The following RAD23B variants were observed in gnomAD, a reference collection of about 807,000 sequenced individuals.
RAD23B encodes the protein RAD23 nucleotide excision repair protein B.
In RAD23B, 5 loss-of-function variants were observed where a neutral mutation model predicts 49.1. The ratio of observed to expected loss-of-function variants is 0.10; its 90% CI spans 0.05 to 0.21. The LOEUF (loss-of-function observed/expected upper bound fraction) is 0.21, where lower values mean the gene tolerates loss of function less well. Ranked by LOEUF, RAD23B falls within the 10% of genes least tolerant of loss-of-function variation. RAD23B has a pLI of 1.00. For missense variants in RAD23B, 356 were observed against 486.7 expected, an observed-to-expected ratio of 0.73 and a Z score of 2.53; for synonymous variants, 184 against 165.4, an observed-to-expected ratio of 1.11 and a Z score of -0.86.
At chr9:107,301,162 T>C (rs188469072) in intron 2 of RAD23B, among the ~76,000 whole-genome samples, 358 of 152,356 alleles carry the variant, frequency 2.3e-3, no homozygotes, top group Non-Finnish European at 3.5e-3. Flanking sequence ...CACAGTTTTG[T>C]GTACTTCGTG....
At chr9:107,292,167 A>G (rs1011089859) in intron 1 of RAD23B, among the ~76,000 whole-genome samples, 3 of 131,148 alleles carry the variant, frequency 2.3e-5, no homozygotes, top group Non-Finnish European at 5.5e-5. Flanking sequence ...ATAAATATTC[A>G]TTTATATTGC....
intron 1 of RAD23B, chr9:107,283,925 G>C: frequency 9.6e-7 from 1 of 1,037,266 alleles, no homozygotes; most frequent in Non-Finnish European, 1.2e-6. Context: ...CGAAGGCCTG[G>C]TGGCAGATGG....
intron 5 of RAD23B, among the ~76,000 whole-genome samples, chr9:107,312,763 T>C (rs890389143): frequency 3.9e-5 from 6 of 152,052 alleles, no homozygotes; most frequent in East Asian, 1.9e-4. Context: ...GGCTGGAAAA[T>C]AGGATTACCC....
chr9:107,319,755 C>CT (rs148790944), intron 6 of RAD23B, among the ~76,000 whole-genome samples: 8,317 of 151,932 alleles, frequency 0.055, 698 homozygotes, highest in African/African-American at 0.19. Flanking sequence ...ATAAAGTATT[C>CT]TTTTTTTTAC....
chr9:107,306,347 A>G, intron 3 of RAD23B, 32 bp from the exon 4 acceptor site: 3 of 1,590,640 alleles, frequency 1.9e-6, no homozygotes, highest in Non-Finnish European at 2.6e-6. Flanking sequence ...GTAGTATTTT[A>G]TTGTAATTAT....
chr9:107,310,674 TGAA>T (rs774906362), intron 4 of RAD23B, among the ~76,000 whole-genome samples: 22 of 152,320 alleles, frequency 1.4e-4, no homozygotes, highest in Non-Finnish European at 2.5e-4. Context: ...GTATATTTAA[TGAA>T]GAACTTAAAT....
Position 107,329,879 on chromosome 9 carries a change from A to G in RAD23B, c.*223A>G, listed in dbSNP as rs895426331. The G allele has an allele frequency of 6.3e-6, 2 of 316,632 alleles. No homozygotes were observed. The highest frequency in any genetic ancestry group is 5.7e-6 in the Non-Finnish European group (1 of 174,168). The allele number at this position is 316,632 out of a possible 1,614,324, so 19.6% of individuals were successfully genotyped here. ...ACTCCACACAGTGTGTAAAATATAT[A>G]CAACCAAAAATCAGCTTTTGCAGGT... On this transcript the variant is annotated 3_prime_UTR_variant, in exon 10 of 10. Transcript: ENST00000358015.
intron 6 of RAD23B, among the ~76,000 whole-genome samples, chr9:107,320,744 C>T (rs928516002): frequency 1.2e-4 from 19 of 152,118 alleles, no homozygotes; most frequent in Admixed American, 5.2e-4. Context: ...ATTTGATGGA[C>T]GCCCTGGATC....
rs757084565 is a variant in RAD23B, at chr9:107,324,897, G to A, written c.1009G>A (p.Gly337Ser). ...AAATGAACCAGTTCAAGAAGCTGGTGGTCAAGGAGGAGGAGGTGGAGGTGG... is the reference window on the plus strand; with the variant it reads ...AAATGAACCAGTTCAAGAAGCTGGTAGTCAAGGAGGAGGAGGTGGAGGTGG... Reference protein sequence around the residue: ...MLNEPVQEAGGQGGGGGGGSG... With the variant: ...MLNEPVQEAGSQGGGGGGGSG... The change falls in exon 9 of 10, where the codon GGT becomes AGT. Residue 337 changes from glycine to serine, a missense_variant. Physicochemically the swap from Gly to Ser is moderately conservative, Grantham distance 56 (BLOSUM62 0). Coordinates refer to ENST00000358015, the MANE Select transcript of RAD23B (RefSeq NM_002874.5). The A allele has an allele frequency of 8.8e-5, 142 of 1,613,488 alleles. No homozygotes were observed. Among genetic ancestry groups the A allele is most frequent in the Non-Finnish European group, 1.2e-4 (136 of 1,179,928 alleles).
chr9:107,290,819 G>A (rs993908595), intron 1 of RAD23B, among the ~76,000 whole-genome samples: 1 of 152,064 alleles, frequency 6.6e-6, no homozygotes. Flanking sequence ...TTCTTAGATT[G>A]ACATAATCAG....
chr9:107,292,015 A>T (rs1299930485), intron 1 of RAD23B, among the ~76,000 whole-genome samples: 1 of 152,218 alleles, frequency 6.6e-6, no homozygotes, highest in Non-Finnish European at 1.5e-5. Context: ...GGCTTTTGCC[A>T]TCGGTCTAAG....
chr9:107,293,953 T>TA (rs1202060785), intron 1 of RAD23B, among the ~76,000 whole-genome samples: 1 of 152,118 alleles, frequency 6.6e-6, no homozygotes. Context: ...CCCGTCTAAT[T>TA]AAAAAAATTT....
intron 9 of RAD23B, among the ~76,000 whole-genome samples, chr9:107,326,623 ATTTCTTTTTTTTTTTTTT>A (rs1408445622): frequency 1.2e-5 from 1 of 86,804 alleles, no homozygotes; most frequent in African/African-American, 4.1e-5. Flanking sequence ...CAACTTTTGT[ATTTCTTTTTTTTTTTTTT>A]TTTTTTTTTT....
At chr9:107,288,993 G>A (rs985688252) in intron 1 of RAD23B, among the ~76,000 whole-genome samples, 2 of 151,904 alleles carry the variant, frequency 1.3e-5, no homozygotes, top group African/African-American at 4.8e-5. Flanking sequence ...AGAAATCTTT[G>A]TTTCTTTGTC....
Position 107,311,690 on chromosome 9 carries a change from G to T in RAD23B, c.506G>T (p.Gly169Val), listed in dbSNP as rs763025606. Residue 169 changes from glycine to valine, a missense_variant, in exon 5 of 10, where the codon GGT (glycine) becomes GTT (valine). Gly to Val is a moderately radical substitution (Grantham distance 109, BLOSUM62 -3). Transcript: ENST00000358015. ...CTAAAATCCTTTTGTAGTACATCGGGTGATTCTTCTCGGTCAAACCTTTTT... is the reference window on the plus strand; with the variant it reads ...CTAAAATCCTTTTGTAGTACATCGGTTGATTCTTCTCGGTCAAACCTTTTT... ...TSPTATDSTS[G>V]DSSRSNLFED... is the part of the protein sequence containing the mutation. 6.4e-7 allele frequency: 1 copy of T among 1,571,422 alleles called. No individual in the cohort carries two copies. The highest frequency in any genetic ancestry group is 8.6e-7 in the Non-Finnish European group (1 of 1,166,294).
intron 9 of RAD23B, among the ~76,000 whole-genome samples, chr9:107,327,153 C>A (rs1448741642): frequency 6.6e-6 from 1 of 152,118 alleles, no homozygotes; most frequent in African/African-American, 2.4e-5. Flanking sequence ...TTCAGTTTAG[C>A]TAAAGGTTTT....
Position 107,283,671 on chromosome 9 carries a change from G to T in RAD23B, c.42G>T (p.Lys14Asn). The change falls in exon 1 of 10, where the codon AAG (lysine) becomes AAT (asparagine). Residue 14 changes from lysine to asparagine, a missense_variant. This residue lies in a region of RAD23B where 31 missense variants were observed against 23.5 expected (regional missense o/e 1.32). Coordinates refer to ENST00000358015, the MANE Select transcript of RAD23B (RefSeq NM_002874.5). The stretch of plus-strand genomic sequence containing the variant: ...AGACCCTCCAGCAGCAGACCTTCAA[G>T]ATAGACATTGACCCCGAGGAGACGG... ...TLKTLQQQTF[K>N]IDIDPEETVK... 6.7e-7 allele frequency: 1 copy of T among 1,482,052 alleles called. No individual in the cohort carries two copies. Among genetic ancestry groups the T allele is most frequent in the Non-Finnish European group, 9.0e-7 (1 of 1,113,940 alleles). The allele number at this position is 1,482,052 out of a possible 1,614,324, so 91.8% of individuals were successfully genotyped here.
chr9:107,288,174 G>A (rs147300816), intron 1 of RAD23B, among the ~76,000 whole-genome samples: 294 of 152,254 alleles, frequency 1.9e-3, no homozygotes, highest in African/African-American at 6.8e-3. Context: ...ATTTAGTAAA[G>A]ATCTTTGAAT....
At chr9:107,291,803 A>C (rs1833389639) in intron 1 of RAD23B, among the ~76,000 whole-genome samples, 1 of 152,214 alleles carries the variant, frequency 6.6e-6, no homozygotes, top group Non-Finnish European at 1.5e-5. Context: ...TGGCTTTGGG[A>C]ATCTCCTTTA....
Sources: allele counts gnomAD v4.1 joint callset (sites outside exome capture counted in the v4.1 genomes callset), GRCh38; gene constraint gnomAD v4.1.1; regional missense constraint gnomAD v4.1.1; transcripts MANE v1.5; gene names NCBI Gene and HGNC (gene_info 2026-07-23, HGNC 2026-07-21).